The following BCKDHB variants were observed in gnomAD, a reference collection of about 807,000 sequenced individuals.
BCKDHB encodes branched chain keto acid dehydrogenase E1 subunit beta.
BCKDHB carries 41 observed loss-of-function variants against 48.5 expected under a neutral mutation model. That is an observed-to-expected ratio of 0.85 (90% CI 0.66 to 1.10). The LOEUF is 1.10. Ranked by LOEUF, BCKDHB falls within the 50% of genes least tolerant of loss-of-function variation. BCKDHB has a pLI of 0.00. For missense variants in BCKDHB, 496 were observed against 494.2 expected, an observed-to-expected ratio of 1.00 and a Z score of -0.03; for synonymous variants, 201 against 174.8, an observed-to-expected ratio of 1.15 and a Z score of -1.18.
the BCKDHB span, among the ~76,000 whole-genome samples, chr6:80,454,759 G>A: frequency 3.3e-5 from 5 of 152,176 alleles, no homozygotes. Flanking sequence ...ACAGAATCAG[G>A]AGCCCCTCCC....
the BCKDHB span, among the ~76,000 whole-genome samples, chr6:80,452,644 C>T: frequency 6.6e-6 from 1 of 152,142 alleles, no homozygotes; most frequent in Admixed American, 6.6e-5. Context: ...TTTAGTTCTT[C>T]ATTCAAAATT....
chr6:80,299,979 A>T (rs1767490242), intron 9 of BCKDHB, among the ~76,000 whole-genome samples: 1 of 152,154 alleles, frequency 6.6e-6, no homozygotes, highest in African/African-American at 2.4e-5. Context: ...AATGACATAG[A>T]CAGACTCAAA....
At chr6:80,396,602 T>C in the BCKDHB span, among the ~76,000 whole-genome samples, 26 of 152,240 alleles carry the variant, frequency 1.7e-4, no homozygotes, top group African/African-American at 6.3e-4. Context: ...TTAGTTTCCA[T>C]AATTCCCACA....
intron 9 of BCKDHB, among the ~76,000 whole-genome samples, chr6:80,294,563 G>A (rs901238254): frequency 1.3e-5 from 2 of 152,124 alleles, no homozygotes; most frequent in African/African-American, 2.4e-5. Context: ...TCCTAGCAAG[G>A]AATATTTATA....
chr6:80,277,729 G>C (rs1029658438), intron 9 of BCKDHB, among the ~76,000 whole-genome samples: 1 of 150,786 alleles, frequency 6.6e-6, no homozygotes, highest in East Asian at 1.9e-4. Context: ...GGAGAGGATG[G>C]TAAGTTTCCA....
chr6:80,208,327 G>A (rs551005608), intron 8 of BCKDHB, among the ~76,000 whole-genome samples: 1 of 151,794 alleles, frequency 6.6e-6, no homozygotes, highest in South Asian at 2.1e-4. Context: ...ACCAGCTTAA[G>A]CCATGCTCAG....
chr6:80,305,153 A>G (rs901256843), intron 9 of BCKDHB, among the ~76,000 whole-genome samples: 2 of 152,148 alleles, frequency 1.3e-5, no homozygotes, highest in South Asian at 2.1e-4. Context: ...GAGTTTAACA[A>G]TGTTGCTATA....
intron 1 of BCKDHB, among the ~76,000 whole-genome samples, chr6:80,124,118 A>T (rs759639093): frequency 2.6e-5 from 4 of 152,162 alleles, no homozygotes; most frequent in Non-Finnish European, 5.9e-5. Flanking sequence ...ATTTCAAAGA[A>T]CTTCTTTATT....
At chr6:80,147,172 C>T (rs191958085) in intron 3 of BCKDHB, among the ~76,000 whole-genome samples, 1 of 152,136 alleles carries the variant, frequency 6.6e-6, no homozygotes, top group Non-Finnish European at 1.5e-5. Context: ...TATTCTTATC[C>T]CACTTTGCAG....
At position 80,286,529 on chromosome 6, in the gene BCKDHB, G is replaced by T. The variant is rs145940821; in HGVS notation, c.1038+13308G>T. Among the ~76,000 whole-genome samples, 704 of 152,270 alleles carry T rather than the reference G, an allele frequency of 4.6e-3. 10 individuals are homozygous for T. Among genetic ancestry groups the T allele is most frequent in the Admixed American group, 0.03 (452 of 15,298 alleles). The stretch of plus-strand genomic sequence containing the variant: ...AGATTTCTTTAGAACCAGAGGCTTG[G>T]CTCACTGACTACCAGCTATTGAATT... On this transcript the variant is annotated intron_variant, in intron 9 of 9. Transcript: ENST00000320393.
At chr6:80,406,110 A>G in the BCKDHB span, among the ~76,000 whole-genome samples, 1 of 152,134 alleles carries the variant, frequency 6.6e-6, no homozygotes, top group Non-Finnish European at 1.5e-5. Context: ...TTTGCTGAGA[A>G]TGATGGTTTC....
chr6:80,390,981 C>T, the BCKDHB span, among the ~76,000 whole-genome samples: 6 of 152,058 alleles, frequency 3.9e-5, no homozygotes, highest in African/African-American at 1.4e-4. Context: ...GGCCTAGCCT[C>T]CCAGCCCACA....
At chr6:80,144,798 A>G (rs539564151) in intron 3 of BCKDHB, among the ~76,000 whole-genome samples, 6 of 152,078 alleles carry the variant, frequency 3.9e-5, no homozygotes, top group Admixed American at 2.0e-4. Context: ...TTTGTTCCCA[A>G]TTTTACCAGT....
At chr6:80,447,043 C>G in the BCKDHB span, among the ~76,000 whole-genome samples, 1 of 152,056 alleles carries the variant, frequency 6.6e-6, no homozygotes, top group East Asian at 1.9e-4. Flanking sequence ...TGGCAATGCT[C>G]CTGCTCTATC....
downstream of BCKDHB, chr6:80,346,287 T>C (rs940082907): frequency 3.3e-5 from 5 of 152,182 alleles, no homozygotes; most frequent in Admixed American, 3.3e-4. Context: ...TTGTATGTGT[T>C]CTTTTTTTTT....
chr6:80,425,131 A>G, the BCKDHB span, among the ~76,000 whole-genome samples: 1 of 152,212 alleles, frequency 6.6e-6, no homozygotes, highest in South Asian at 2.1e-4. Context: ...CCAAACAAAG[A>G]TGACTTTACA....
chr6:80,374,696 T>C, the BCKDHB span: 215 of 354,634 alleles, frequency 6.1e-4, 2 homozygotes, highest in Middle Eastern at 0.021. Context: ...CCATGCTATT[T>C]GTCACCCGAA....
At chr6:80,377,422 G>A in the BCKDHB span, among the ~76,000 whole-genome samples, 5,634 of 152,106 alleles carry the variant, frequency 0.037, 153 homozygotes, top group Middle Eastern at 0.099. Flanking sequence ...TTTTGCCAAA[G>A]CCGAGTTCAT....
At chr6:80,124,745 T>C (rs1298253638) in intron 1 of BCKDHB, among the ~76,000 whole-genome samples, 1 of 152,186 alleles carries the variant, frequency 6.6e-6, no homozygotes, top group African/African-American at 2.4e-5. Flanking sequence ...CAGTAATATT[T>C]TGAAAGGAAT....
Sources: allele counts gnomAD v4.1 joint callset (sites outside exome capture counted in the v4.1 genomes callset), GRCh38; gene constraint gnomAD v4.1.1; transcripts MANE v1.5; gene names NCBI Gene and HGNC (gene_info 2026-07-23, HGNC 2026-07-21).